The following MYO16 variants were observed in gnomAD, a reference collection of about 807,000 sequenced individuals.
MYO16 encodes the protein myosin XVI, also known as unconventional myosin-XVI.
A neutral mutation model predicts 205.3 loss-of-function variants in MYO16; 94 were observed. That is an observed-to-expected ratio of 0.46 (90% CI 0.39 to 0.54). The LOEUF is 0.54. Among genes scored for constraint, MYO16 ranks in the 20% least tolerant of loss-of-function variants. The pLI, the probability that MYO16 is intolerant of heterozygous loss-of-function variation, is 0.00. For missense variants in MYO16, 2,315 were observed against 2,387.5 expected (o/e 0.97, Z 0.63); for synonymous variants, 988 against 954.0 (o/e 1.04, Z -0.66).
intron 31 of MYO16, among the ~76,000 whole-genome samples, chr13:109,134,508 G>T (rs2139791860): frequency 6.6e-6 from 1 of 152,294 alleles, no homozygotes; most frequent in South Asian, 2.1e-4. Context: ...CAGCAAGGTG[G>T]CTGGAATCAT....
At chr13:109,168,992 G>A (rs141383454) in intron 33 of MYO16, among the ~76,000 whole-genome samples, 20 of 152,146 alleles carry the variant, frequency 1.3e-4, no homozygotes, top group African/African-American at 4.1e-4. Context: ...TGATTAAGTC[G>A]TTTCATATGC....
Position 109,093,430 on chromosome 13 carries a change from A to G in MYO16, c.3336-7355A>G, listed in dbSNP as rs536085599. On this transcript the variant is annotated intron_variant, in intron 27 of 34. Transcript: ENST00000457511. ...GACCAGCCACAGATAAGTAATTGGC[A>G]ACCAGCAAGGTAATAAATCTAGTGT... Among the ~76,000 whole-genome samples the G allele has an allele frequency of 1.3e-4, 20 of 152,270 alleles. No individual in the cohort carries two copies. The East Asian group carries it at 2.9e-3, about 22-fold the overall frequency.
At chr13:108,846,480 A>G (rs1482386320) in intron 10 of MYO16, among the ~76,000 whole-genome samples, 1 of 148,878 alleles carries the variant, frequency 6.7e-6, no homozygotes, top group Non-Finnish European at 1.5e-5. Flanking sequence ...ATATACATAC[A>G]TATATATACA....
At chr13:109,088,636 G>A (rs141299066) in intron 27 of MYO16, among the ~76,000 whole-genome samples, 572 of 152,328 alleles carry the variant, frequency 3.8e-3, no homozygotes, top group Non-Finnish European at 6.4e-3. Context: ...TGAATCCCTG[G>A]GATTAAGACG....
chr13:109,018,542 A>G (rs974919267), intron 22 of MYO16, among the ~76,000 whole-genome samples: 9 of 152,310 alleles, frequency 5.9e-5, no homozygotes, highest in African/African-American at 2.2e-4. Flanking sequence ...AGGGACGTTT[A>G]AGTCTGCAGA....
intron 27 of MYO16, among the ~76,000 whole-genome samples, chr13:109,058,704 A>G (rs1887492446): frequency 6.6e-6 from 1 of 152,146 alleles, no homozygotes; most frequent in South Asian, 2.1e-4. Flanking sequence ...GCTGAAGGCT[A>G]GGGTGGCTGT....
chr13:109,199,969 A>G (rs1313938000), intron 34 of MYO16, among the ~76,000 whole-genome samples: 1 of 152,186 alleles, frequency 6.6e-6, no homozygotes, highest in African/African-American at 2.4e-5. Context: ...GATAGCATTC[A>G]TGATTGTATT....
the MYO16 span, among the ~76,000 whole-genome samples, chr13:108,546,778 G>T: frequency 6.6e-6 from 1 of 152,040 alleles, no homozygotes; most frequent in Non-Finnish European, 1.5e-5. Context: ...TCCTCTTCTC[G>T]CTTCATTCTT....
intron 2 of MYO16, among the ~76,000 whole-genome samples, chr13:108,700,289 G>A (rs1189933517): frequency 1.4e-5 from 2 of 144,920 alleles, no homozygotes; most frequent in Non-Finnish European, 1.5e-5. Context: ...CTGAGATTGA[G>A]CCATTGCACT....
intron 31 of MYO16, among the ~76,000 whole-genome samples, chr13:109,132,351 G>T (rs925116965): frequency 1.3e-5 from 2 of 152,136 alleles, no homozygotes; most frequent in African/African-American, 4.8e-5. Context: ...TTCCAAAATT[G>T]CTGTACAACT....
At chr13:109,046,026 G>C (rs549125530) in intron 23 of MYO16, among the ~76,000 whole-genome samples, 1 of 151,272 alleles carries the variant, frequency 6.6e-6, no homozygotes, top group Non-Finnish European at 1.5e-5. Flanking sequence ...CCCTCATGGC[G>C]GATCCTCGCC....
chr13:109,094,843 G>T (rs905495668), intron 27 of MYO16, among the ~76,000 whole-genome samples: 1 of 152,124 alleles, frequency 6.6e-6, no homozygotes, highest in African/African-American at 2.4e-5. Context: ...CTTTTGTTAC[G>T]GCTGCATAGT....
the MYO16 span, among the ~76,000 whole-genome samples, chr13:108,552,354 C>G: frequency 6.6e-6 from 1 of 152,104 alleles, no homozygotes; most frequent in Non-Finnish European, 1.5e-5. Flanking sequence ...GTGCTTCTGT[C>G]CTTTCTGTCT....
intron 2 of MYO16, among the ~76,000 whole-genome samples, chr13:108,704,827 AG>A (rs1883443223): frequency 6.6e-6 from 1 of 152,116 alleles, no homozygotes; most frequent in Non-Finnish European, 1.5e-5. Flanking sequence ...GTTACAATAA[AG>A]GTTTGAGTAG....
chr13:109,182,965 C>T (rs980577879), intron 34 of MYO16, among the ~76,000 whole-genome samples: 2 of 152,180 alleles, frequency 1.3e-5, no homozygotes, highest in Non-Finnish European at 1.5e-5. Flanking sequence ...ATGAATAAAA[C>T]TGGCTGTGAG....
At chr13:108,832,605 G>C (rs1384691510) in intron 9 of MYO16, among the ~76,000 whole-genome samples, 1 of 151,966 alleles carries the variant, frequency 6.6e-6, no homozygotes, top group African/African-American at 2.4e-5. Flanking sequence ...GTCCCAGTTG[G>C]CACCTTAAGT....
At chr13:109,033,441 C>G (rs1013980365) in intron 23 of MYO16, among the ~76,000 whole-genome samples, 2 of 152,138 alleles carry the variant, frequency 1.3e-5, no homozygotes, top group African/African-American at 4.8e-5. Flanking sequence ...CATTATCTTT[C>G]TTTAGGAGTC....
intron 14 of MYO16, among the ~76,000 whole-genome samples, chr13:108,890,971 G>A (rs1237355042): frequency 3.9e-5 from 6 of 152,124 alleles, no homozygotes; most frequent in Non-Finnish European, 7.3e-5. Context: ...CACTCCACAA[G>A]CATCTATTAA....
At chr13:108,548,553 G>A in the MYO16 span, among the ~76,000 whole-genome samples, 3 of 145,918 alleles carry the variant, frequency 2.1e-5, no homozygotes, top group Non-Finnish European at 3.0e-5. Flanking sequence ...GACAGTGATA[G>A]GATAGGGTTG....
Sources: allele counts gnomAD v4.1 joint callset (sites outside exome capture counted in the v4.1 genomes callset), GRCh38; gene constraint gnomAD v4.1.1; transcripts MANE v1.5; gene names NCBI Gene and HGNC (gene_info 2026-07-23, HGNC 2026-07-21).